RMDN2: variants seen among roughly 807,000 people sequenced by gnomAD.
The protein encoded by RMDN2 is regulator of microtubule dynamics protein 2.
A neutral mutation model predicts 52.8 loss-of-function variants in RMDN2; 61 were observed. That is an observed-to-expected ratio of 1.16 (90% CI 0.94 to 1.43). The LOEUF (loss-of-function observed/expected upper bound fraction) is 1.43. RMDN2 is among the 40% of genes most tolerant of loss of function. RMDN2 has a pLI of 0.00. For missense variants in RMDN2, 592 were observed against 475.3 expected (o/e 1.25, Z -2.28); for synonymous variants, 180 against 153.1 (o/e 1.18, Z -1.30).
At chr2:38,034,220 T>G (rs1680419376) in intron 10 of RMDN2, among the ~76,000 whole-genome samples, 1 of 152,188 alleles carries the variant, frequency 6.6e-6, no homozygotes, top group Non-Finnish European at 1.5e-5. Context: ...CCACTTCTGC[T>G]GAGAAGAGCA....
chr2:38,034,738 G>A (rs980290665), intron 10 of RMDN2, among the ~76,000 whole-genome samples: 11 of 150,086 alleles, frequency 7.3e-5, no homozygotes, highest in Admixed American at 1.3e-4. Flanking sequence ...TAAATTATAC[G>A]TATTAATACC....
intron 10 of RMDN2, among the ~76,000 whole-genome samples, chr2:38,042,158 C>G (rs920277974): frequency 3.9e-5 from 6 of 152,034 alleles, no homozygotes; most frequent in Non-Finnish European, 8.8e-5. Flanking sequence ...ATTTATTTCT[C>G]TTTGTGTGTG....
chr2:37,947,147 C>G (rs1668286910), intron 2 of RMDN2, among the ~76,000 whole-genome samples: 1 of 151,772 alleles, frequency 6.6e-6, no homozygotes, highest in African/African-American at 2.4e-5. Flanking sequence ...TAACTATCAC[C>G]CAAATAGTGT....
chr2:37,964,672 G>T (rs1670795517), intron 2 of RMDN2, among the ~76,000 whole-genome samples: 1 of 152,086 alleles, frequency 6.6e-6, no homozygotes, highest in Non-Finnish European at 1.5e-5. Context: ...GGGTGGCATG[G>T]TCTATATGTG....
downstream of RMDN2, among the ~76,000 whole-genome samples, chr2:38,020,717 G>C (rs938163204): frequency 6.6e-6 from 1 of 152,230 alleles, no homozygotes; most frequent in Admixed American, 6.5e-5. Flanking sequence ...CGGTGTGCTG[G>C]ATTTCTCACC....
chr2:37,926,174 A>G lies in RMDN2; in HGVS notation c.-17+749A>G, dbSNP rs1040192516. 3.3e-5 allele frequency among the ~76,000 whole-genome samples: 5 copies of G among 152,340 alleles called. No homozygotes were observed. In the East Asian group the frequency reaches 9.6e-4, roughly 29 times the overall value. On this transcript the variant is annotated intron_variant, in intron 1 of 10. Coordinates refer to ENST00000354545, the MANE Select transcript of RMDN2 (RefSeq NM_001170791.3). ...TACCTTCCCCGAGTTTATTAGAGTT[A>G]TGCATTTTATATTTTTCTCCTCTAA...
intron 10 of RMDN2, chr2:38,012,594 T>G (rs1183110480): frequency 1.5e-5 from 7 of 469,116 alleles, no homozygotes; most frequent in Admixed American, 1.4e-4. Flanking sequence ...ATTGCATTTT[T>G]TTCCTCAGTG....
chr2:37,975,929 C>G (rs1388282961), intron 4 of RMDN2, among the ~76,000 whole-genome samples: 2 of 152,108 alleles, frequency 1.3e-5, no homozygotes, highest in East Asian at 3.8e-4. Flanking sequence ...CTTTATAAAA[C>G]TTAGACAAGA....
intron 3 of RMDN2, chr2:37,974,641 A>T (rs1232302208): frequency 6.3e-5 from 3 of 47,782 alleles, no homozygotes; most frequent in Non-Finnish European, 9.5e-5. Flanking sequence ...ACCACCACTA[A>T]AAAAAATAAA....
At position 37,997,440 on chromosome 2, in the gene RMDN2, A is replaced by G. The variant is rs1380753465; in HGVS notation, c.970A>G (p.Lys324Glu). 3.7e-6 allele frequency: 6 copies of G among 1,612,510 alleles called. No individual in the cohort carries two copies. The highest frequency in any genetic ancestry group is 2.2e-5 in the East Asian group (1 of 44,870). Residue 324 changes from lysine (K) to glutamate (E), a missense_variant, in exon 8 of 11, where the codon AAA becomes GAA. By Grantham distance (56) the Lys-to-Glu change is moderately conservative. Transcript: ENST00000354545. ...GGTCTCAAAACTGAGCTGGATTGAG[A>G]AAAAAATGGCTGCTACTCTGTTTGG... ...YTVSKLSWIEKKMAATLFGKI... is the reference protein window; with the variant it reads ...YTVSKLSWIEEKMAATLFGKI...
At chr2:38,012,512 A>T (rs1447848405) in intron 10 of RMDN2, 1 of 432,224 alleles carries the variant, frequency 2.3e-6, no homozygotes, top group Non-Finnish European at 4.7e-6. Flanking sequence ...AGGACTCCTA[A>T]TGAATGTAAG....
At chr2:38,015,180 C>A (rs1451757882) in intron 10 of RMDN2, among the ~76,000 whole-genome samples, 2 of 152,198 alleles carry the variant, frequency 1.3e-5, no homozygotes, top group African/African-American at 4.8e-5. Context: ...TGTCTGGGTT[C>A]TGCCCTTCTG....
At chr2:38,023,906 A>G (rs1679576661) in intron 10 of RMDN2, among the ~76,000 whole-genome samples, 1 of 152,188 alleles carries the variant, frequency 6.6e-6, no homozygotes, top group Admixed American at 6.5e-5. Context: ...ATCACTTCAA[A>G]TGTTTCTTCA....
rs1380459093 is a variant in RMDN2 at position 37,974,039 on chromosome 2, G to T, written c.453-1G>T. On this transcript the variant is annotated splice_acceptor_variant, in intron 2 of 10. Coordinates refer to ENST00000354545, the MANE Select transcript of RMDN2 (RefSeq NM_001170791.3). LOFTEE classifies it high-confidence loss of function. ...GTTGATGATTATTTCTGCGATTTTAGGTATATTACAGCTAATACTGACACA... is the reference window on the plus strand; with the variant it reads ...GTTGATGATTATTTCTGCGATTTTATGTATATTACAGCTAATACTGACACA... The T allele has an allele frequency of 2.5e-6, 4 of 1,599,684 alleles. No individual in the cohort carries two copies. Among genetic ancestry groups the T allele is most frequent in the Non-Finnish European group, 3.4e-6 (4 of 1,173,612 alleles).
intron 8 of RMDN2, among the ~76,000 whole-genome samples, chr2:37,999,888 A>ATGACC (rs1449493648): frequency 2.6e-5 from 4 of 152,172 alleles, no homozygotes; most frequent in African/African-American, 9.7e-5. Context: ...TCCTGTCTGA[A>ATGACC]TGACCTGGAC....
intron 2 of RMDN2, among the ~76,000 whole-genome samples, chr2:37,965,053 CTT>C (rs1027564440): frequency 3.9e-5 from 6 of 152,078 alleles, no homozygotes; most frequent in Non-Finnish European, 5.9e-5. Flanking sequence ...CTCCCACTCT[CTT>C]TTGTTTACTG....
intron 10 of RMDN2, among the ~76,000 whole-genome samples, chr2:38,012,028 C>T (rs887302829): frequency 6.6e-6 from 1 of 152,188 alleles, no homozygotes; most frequent in African/African-American, 2.4e-5. Flanking sequence ...GGATGAGGGT[C>T]AGAATTTTTA....
chr2:38,018,242 C>T (rs1679062979), downstream of RMDN2, among the ~76,000 whole-genome samples: 1 of 152,038 alleles, frequency 6.6e-6, no homozygotes, highest in Admixed American at 6.5e-5. Flanking sequence ...TCAATGCTAG[C>T]AATATTGTCA....
chr2:38,035,615 C>T (rs1680521274), intron 10 of RMDN2, among the ~76,000 whole-genome samples: 2 of 152,028 alleles, frequency 1.3e-5, no homozygotes, highest in African/African-American at 4.8e-5. Flanking sequence ...ATAAATACAT[C>T]CTAATACACA....
Sources: gnomAD v4.1 joint callset for allele counts (sites outside exome capture counted in the v4.1 genomes callset) on GRCh38, gnomAD v4.1.1 for gene constraint, MANE v1.5 for transcripts, NCBI Gene and HGNC (gene_info 2026-07-23, HGNC 2026-07-21) for gene names.